Variants in NPR3 observed in about 807,000 individuals in gnomAD.
NPR3 encodes natriuretic peptide receptor 3, also known as atrial natriuretic peptide receptor 3.
NPR3 carries 34 observed loss-of-function variants against 54.5 expected under a neutral mutation model. The observed-to-expected ratio is 0.62, with a 90% CI of 0.47 to 0.83. The LOEUF is 0.83. Ranked by LOEUF, NPR3 falls within the 40% of genes least tolerant of loss-of-function variation. NPR3 has a pLI of 0.00. For missense variants in NPR3, 674 were observed against 720.8 expected (o/e 0.94, Z 0.74); for synonymous variants, 289 against 297.1 (o/e 0.97, Z 0.28).
chr5:32,720,187 C>G (rs1459967482), intron 1 of NPR3, among the ~76,000 whole-genome samples: 3 of 152,158 alleles, frequency 2.0e-5, no homozygotes, highest in Non-Finnish European at 4.4e-5. Flanking sequence ...GTGCTTTCTG[C>G]AAACAGCCAC....
chr5:32,768,191 T>A (rs190536590), intron 3 of NPR3, among the ~76,000 whole-genome samples: 114 of 152,152 alleles, frequency 7.5e-4, no homozygotes, highest in African/African-American at 2.6e-3. Flanking sequence ...CTTGTGGGGG[T>A]TGGGTCACCA....
intron 3 of NPR3, among the ~76,000 whole-genome samples, 193 bp downstream of exon 3, chr5:32,739,223 T>C (rs1002450024): frequency 1.3e-5 from 2 of 151,382 alleles, no homozygotes. Flanking sequence ...CCTCCTTCCC[T>C]CCTCAGTATA....
chr5:32,732,939 T>C (rs1739540375), intron 2 of NPR3, among the ~76,000 whole-genome samples: 1 of 152,104 alleles, frequency 6.6e-6, no homozygotes, highest in Admixed American at 6.5e-5. Context: ...CTGCCTCCTA[T>C]GTTCAAGCAA....
In NPR3 at chr5:32,711,869, C is replaced by T; in HGVS notation, c.93C>T (p.Gly31=). Residue 31 remains glycine (G), a synonymous_variant, in exon 1 of 8, where the codon GGC becomes GGT. Transcript: ENST00000265074. ...AGGTGGGGVG[G]GGGGAGIGGG... is the part of the protein sequence containing the mutation. Reference sequence around the variant, plus strand: ...GCACCGGTGGCGGTGGCGTTGGCGGCGGCGGCGGTGGCGCGGGCATAGGCG... The same window carrying T: ...GCACCGGTGGCGGTGGCGTTGGCGGTGGCGGCGGTGGCGCGGGCATAGGCG... 2 of 1,463,574 alleles carry T rather than the reference C, an allele frequency of 1.4e-6. No individual in the cohort carries two copies. Among genetic ancestry groups the T allele is most frequent in the Non-Finnish European group, 9.0e-7 (1 of 1,110,298 alleles). 90.7% of individuals were successfully genotyped at this position (1,463,574 alleles called of 1,614,324 possible). A position where few individuals can be genotyped will look rare whatever the true frequency, so the allele number is the denominator to read the frequency against.
chr5:32,720,467 G>A (rs1738793088), intron 1 of NPR3, among the ~76,000 whole-genome samples: 1 of 152,122 alleles, frequency 6.6e-6, no homozygotes. Flanking sequence ...ATTTCTCTCT[G>A]CTGTTCTTAG....
At chr5:32,739,712 T>G (rs1739942654) in intron 3 of NPR3, among the ~76,000 whole-genome samples, 1 of 152,186 alleles carries the variant, frequency 6.6e-6, no homozygotes, top group Non-Finnish European at 1.5e-5. Context: ...TTTGGCATCA[T>G]TGTTTTGACT....
intron 1 of NPR3, among the ~76,000 whole-genome samples, chr5:32,703,902 C>T (rs1737900296): frequency 6.6e-6 from 1 of 152,210 alleles, no homozygotes; most frequent in Admixed American, 6.5e-5. Context: ...TCCACTGGCT[C>T]CACGCCTAGC....
rs974340966 is a variant in NPR3 at position 32,791,318 on chromosome 5, A to G, written c.*4973A>G. 1.8e-5 allele frequency: 3 copies of G among 167,100 alleles called. No homozygotes were observed. Among genetic ancestry groups the G allele is most frequent in the Non-Finnish European group, 2.9e-5 (2 of 68,124 alleles). The allele number at this position is 167,100 out of a possible 1,614,324, so 10.4% of individuals were successfully genotyped here. A position where few individuals can be genotyped will look rare whatever the true frequency, so the allele number is the denominator to read the frequency against. On this transcript the variant is annotated 3_prime_UTR_variant, in exon 8 of 8. Transcript: ENST00000265074. ...ATGGGATAGACCTTGTGACAGACCA[A>G]TTCTGTGACCCCTGTCTTCTGGGTC... is the stretch of plus-strand genomic sequence containing the variant.
At chr5:32,749,168 G>GGTGGGCTGTTATAATTT in intron 3 of NPR3, among the ~76,000 whole-genome samples, 1 of 149,396 alleles carries the variant, frequency 6.7e-6, no homozygotes, top group South Asian at 2.1e-4. Flanking sequence ...TTTTATAATT[G>GGTGGGCTGTTATAATTT]GTGGGCTGTT....
intron 1 of NPR3, among the ~76,000 whole-genome samples, chr5:32,694,493 T>C (rs1561064724): frequency 2.0e-5 from 3 of 152,220 alleles, no homozygotes; most frequent in African/African-American, 7.2e-5. Flanking sequence ...ATCTGCTTTT[T>C]CTCAACCTTA....
Position 32,784,780 on chromosome 5 carries a change from A to G in NPR3, c.1427-16A>G, listed in dbSNP as rs376543823. 7 of 1,602,510 alleles carry G rather than the reference A, an allele frequency of 4.4e-6. No individual in the cohort carries two copies. The highest frequency in any genetic ancestry group is 1.7e-5 in the Admixed American group (1 of 59,952). On this transcript the variant is annotated splice_polypyrimidine_tract_variant and intron_variant, in intron 6 of 7. Transcript: ENST00000265074. ...ATCTCCAAATGAACCCTGATTATCC[A>G]TGCTTCTTTTTCAAGCAGGTGGCCT...
chr5:32,755,845 C>T (rs1036171408), intron 3 of NPR3, among the ~76,000 whole-genome samples: 3 of 152,160 alleles, frequency 2.0e-5, no homozygotes, highest in Non-Finnish European at 2.9e-5. Flanking sequence ...TGAGTGAGAA[C>T]ATGCGGTGTT....
At chr5:32,694,286 C>T (rs1740471515) in intron 1 of NPR3, among the ~76,000 whole-genome samples, 1 of 152,226 alleles carries the variant, frequency 6.6e-6, no homozygotes, top group African/African-American at 2.4e-5. Context: ...ACAGTAAGGT[C>T]TGTTGTAATC....
Position 32,789,777 on chromosome 5 carries a change from A to G in NPR3, c.*3432A>G, listed in dbSNP as rs1365076483. On this transcript the variant is annotated 3_prime_UTR_variant, in exon 8 of 8. Coordinates refer to ENST00000265074, the MANE Select transcript of NPR3 (RefSeq NM_001204375.2). Reference sequence around the variant, plus strand: ...GAAGGCCATTGCATAGATCTCATGCAGATAGTGATGGATTCAGAAAGTAGG... The same window carrying G: ...GAAGGCCATTGCATAGATCTCATGCGGATAGTGATGGATTCAGAAAGTAGG... The G allele has an allele frequency of 1.9e-6, 1 of 523,644 alleles. No homozygotes were observed. Among genetic ancestry groups the G allele is most frequent in the Non-Finnish European group, 3.9e-6 (1 of 254,282 alleles). The allele number at this position is 523,644 out of a possible 1,614,324, so 32.4% of individuals were successfully genotyped here.
chr5:32,701,500 A>G (rs1372767886), intron 1 of NPR3, among the ~76,000 whole-genome samples: 2 of 152,132 alleles, frequency 1.3e-5, no homozygotes, highest in Non-Finnish European at 1.5e-5. Flanking sequence ...TCTTCCCAGG[A>G]TTGATCCTTG....
At chr5:32,716,479 C>T in intron 1 of NPR3, 2 of 448,604 alleles carry the variant, frequency 4.5e-6, no homozygotes, top group Non-Finnish European at 4.4e-6. Flanking sequence ...TCTTTCCAGT[C>T]ATCTTTCCAA....
chr5:32,766,582 T>C (rs531661987), intron 3 of NPR3, among the ~76,000 whole-genome samples: 3 of 152,368 alleles, frequency 2.0e-5, no homozygotes, highest in African/African-American at 7.2e-5. Flanking sequence ...TTGTAACATC[T>C]CTTTTTCCTA....
Position 32,725,168 on chromosome 5 carries a change from C to T in NPR3, c.892+348C>T, listed in dbSNP as rs1739077399. Among the ~76,000 whole-genome samples the T allele has an allele frequency of 2.0e-5, 3 of 152,270 alleles. No homozygotes were observed. The South Asian group carries it at 6.2e-4, about 32-fold the overall frequency. On this transcript the variant is annotated intron_variant, in intron 2 of 7. Transcript: ENST00000265074. ...AAAACCCTGTTGGGTACTACGTTCA[C>T]CACCTGGGTGATGGGATCCATACTC...
chr5:32,702,530 C>A (rs146559021), intron 1 of NPR3, among the ~76,000 whole-genome samples: 1 of 150,756 alleles, frequency 6.6e-6, no homozygotes, highest in East Asian at 2.0e-4. Flanking sequence ...TTTGTCCTTA[C>A]GATAGTTTAC....
Sources: allele counts gnomAD v4.1 joint callset (sites outside exome capture counted in the v4.1 genomes callset), GRCh38; gene constraint gnomAD v4.1.1; transcripts MANE v1.5; gene names NCBI Gene and HGNC (gene_info 2026-07-23, HGNC 2026-07-21).